The following SOX5 variants were observed in gnomAD, a reference collection of about 807,000 sequenced individuals.
SOX5 encodes the protein transcription factor SOX-5.
A neutral mutation model predicts 92.0 loss-of-function variants in SOX5; 9 were observed. The observed-to-expected ratio is 0.10, with a 90% CI of 0.06 to 0.17. The LOEUF (loss-of-function observed/expected upper bound fraction) is 0.17. SOX5 is among the 10% of genes least tolerant of loss of function. The pLI is 1.00. For missense variants in SOX5, 642 were observed against 944.5 expected (o/e 0.68, Z 4.20); for synonymous variants, 344 against 336.3 (o/e 1.02, Z -0.25).
intron 7 of SOX5, among the ~76,000 whole-genome samples, chr12:23,653,743 C>G (rs756386177): frequency 6.6e-6 from 1 of 152,014 alleles, no homozygotes; most frequent in East Asian, 1.9e-4. Context: ...GGACTTTGCC[C>G]TCATGACCTA....
intron 2 of SOX5, among the ~76,000 whole-genome samples, chr12:23,852,988 G>A (rs896504269): frequency 6.6e-6 from 1 of 151,822 alleles, no homozygotes; most frequent in Admixed American, 6.6e-5. Context: ...AGCTGCAGTG[G>A]GGAAGAAAGA....
chr12:23,892,023 C>G (rs1407295186), intron 2 of SOX5, among the ~76,000 whole-genome samples: 1 of 151,778 alleles, frequency 6.6e-6, no homozygotes, highest in Non-Finnish European at 1.5e-5. Context: ...AGTTGAATAT[C>G]TAGTATATGT....
intron 4 of SOX5, among the ~76,000 whole-genome samples, chr12:23,976,390 T>TAA (rs1327142180): frequency 1.3e-4 from 15 of 111,566 alleles, no homozygotes; most frequent in East Asian, 5.5e-4. Flanking sequence ...TGAACACTAT[T>TAA]AAAAAAACAA....
intron 1 of SOX5, among the ~76,000 whole-genome samples, chr12:24,380,310 G>T (rs1275701962): frequency 6.6e-6 from 1 of 152,180 alleles, no homozygotes; most frequent in African/African-American, 2.4e-5. Flanking sequence ...TTAGCAATTT[G>T]CACTTTTGTG....
At chr12:24,555,838 A>C (rs1170372639) in intron 1 of SOX5, among the ~76,000 whole-genome samples, 2 of 152,212 alleles carry the variant, frequency 1.3e-5, no homozygotes, top group African/African-American at 2.4e-5. Context: ...ATACTGCCAA[A>C]CCACAGCTAT....
chr12:24,559,564 G>C (rs1954135733), intron 1 of SOX5, among the ~76,000 whole-genome samples: 1 of 151,586 alleles, frequency 6.6e-6, no homozygotes, highest in Non-Finnish European at 1.5e-5. Flanking sequence ...GTAAGCATTA[G>C]ATCATATTTT....
intron 4 of SOX5, among the ~76,000 whole-genome samples, chr12:24,065,857 G>T (rs1279447356): frequency 6.6e-6 from 1 of 151,960 alleles, no homozygotes; most frequent in Non-Finnish European, 1.5e-5. Flanking sequence ...ATGACAAAAA[G>T]CTCAACACTC....
chr12:24,111,035 T>C (rs970440679), intron 4 of SOX5, among the ~76,000 whole-genome samples: 2 of 151,994 alleles, frequency 1.3e-5, no homozygotes, highest in African/African-American at 4.8e-5. Context: ...ATGTCTTTAC[T>C]GTGGGAGACT....
At position 23,755,421 on chromosome 12, in the gene SOX5, G is replaced by A. The variant is rs369802850; in HGVS notation, c.568+217C>T. On this transcript the variant is annotated intron_variant, in intron 4 of 14. Coordinates refer to ENST00000451604, the MANE Select transcript of SOX5 (RefSeq NM_006940.6). ...GTTAGAGGTATAGTGGGGTGATTCT[G>A]TTGAAAACAACATATCATTTATTCC... 9.9e-5 allele frequency among the ~76,000 whole-genome samples: 15 copies of A among 151,830 alleles called. 1 individual carries two copies. In the East Asian group the frequency reaches 1.2e-3, roughly 12 times the overall value.
At chr12:24,424,099 A>G (rs1014117553) in intron 1 of SOX5, among the ~76,000 whole-genome samples, 2 of 152,184 alleles carry the variant, frequency 1.3e-5, no homozygotes, top group African/African-American at 4.8e-5. Context: ...TGGCAGCTGA[A>G]AAATATTACA....
chr12:24,120,746 A>G (rs1948527306), intron 4 of SOX5, among the ~76,000 whole-genome samples: 1 of 152,224 alleles, frequency 6.6e-6, no homozygotes, highest in South Asian at 2.1e-4. Flanking sequence ...TATGGCAGAG[A>G]ATTGAAATGG....
intron 3 of SOX5, among the ~76,000 whole-genome samples, chr12:23,828,720 A>G (rs1333997864): frequency 1.3e-5 from 2 of 151,834 alleles, no homozygotes; most frequent in Non-Finnish European, 2.9e-5. Flanking sequence ...TAAAAGATAG[A>G]TGAATAGAAG....
At chr12:24,153,142 T>C (rs1449584948) in intron 4 of SOX5, among the ~76,000 whole-genome samples, 1 of 152,132 alleles carries the variant, frequency 6.6e-6, no homozygotes, top group Non-Finnish European at 1.5e-5. Context: ...AAACCTCCCA[T>C]TGTGCTTTCA....
intron 4 of SOX5, among the ~76,000 whole-genome samples, chr12:24,115,190 T>C (rs1311393607): frequency 6.6e-6 from 1 of 152,096 alleles, no homozygotes; most frequent in Non-Finnish European, 1.5e-5. Flanking sequence ...TTAACATTCT[T>C]AAAACAACCC....
Position 24,407,228 on chromosome 12 carries a change from C to T in SOX5, c.-250-38589G>A, listed in dbSNP as rs1157195479. 3.9e-5 allele frequency among the ~76,000 whole-genome samples: 6 copies of T among 152,158 alleles called. No homozygotes were observed. In the South Asian group the frequency reaches 6.2e-4, roughly 16 times the overall value. On this transcript the variant is annotated intron_variant, in intron 1 of 4. Coordinates refer to the SOX5 transcript ENST00000446891. The stretch of plus-strand genomic sequence containing the variant: ...GAACAGAAGATCCTCGAAGATAGAT[C>T]GAGGTGTGCCCCGGCAGCAGTCCAC...
At chr12:23,993,962 T>G (rs939056084) in intron 4 of SOX5, among the ~76,000 whole-genome samples, 1 of 151,826 alleles carries the variant, frequency 6.6e-6, no homozygotes, top group Non-Finnish European at 1.5e-5. Flanking sequence ...CATAAATAAA[T>G]AAATAGCTGG....
At chr12:23,839,305 T>G (rs2096482700) in intron 3 of SOX5, among the ~76,000 whole-genome samples, 1 of 152,094 alleles carries the variant, frequency 6.6e-6, no homozygotes, top group Admixed American at 6.6e-5. Flanking sequence ...TATGATACAT[T>G]GGGGAATACC....
chr12:23,574,697 A>AT (rs1047958240), intron 10 of SOX5, among the ~76,000 whole-genome samples: 2 of 151,986 alleles, frequency 1.3e-5, no homozygotes, highest in African/African-American at 4.8e-5. Context: ...TCCACCACAC[A>AT]TTTTTTTCTA....
intron 1 of SOX5, among the ~76,000 whole-genome samples, chr12:24,372,142 C>T (rs982311955): frequency 5.3e-5 from 8 of 152,036 alleles, no homozygotes; most frequent in African/African-American, 9.7e-5. Context: ...CTTCTTTTTT[C>T]ATATTATTAT....
Sources: allele counts gnomAD v4.1 joint callset (sites outside exome capture counted in the v4.1 genomes callset), GRCh38; gene constraint gnomAD v4.1.1; transcripts MANE v1.5; gene names NCBI Gene and HGNC (gene_info 2026-07-23, HGNC 2026-07-21).